Variants in ANXA2 observed in about 807,000 individuals in gnomAD.
ANXA2 encodes annexin II.
In ANXA2, 28 loss-of-function variants were observed where a neutral mutation model predicts 47.3. The observed-to-expected ratio is 0.59, with a 90% CI of 0.44 to 0.81. The LOEUF (loss-of-function observed/expected upper bound fraction) is 0.81. Ranked by LOEUF, ANXA2 falls within the 40% of genes least tolerant of loss-of-function variation. ANXA2 has a pLI of 0.00. For missense variants in ANXA2, 384 were observed against 414.3 expected, an observed-to-expected ratio of 0.93 and a Z score of 0.64; for synonymous variants, 172 against 155.5, an observed-to-expected ratio of 1.11 and a Z score of -0.79.
intron 6 of ANXA2, among the ~76,000 whole-genome samples, chr15:60,356,200 A>G (rs2062427174): frequency 6.6e-6 from 1 of 151,894 alleles, no homozygotes; most frequent in South Asian, 2.1e-4. Context: ...GTTATTATCC[A>G]TAACAGGGGG....
chr15:60,358,253 G>C (rs1471162450), intron 5 of ANXA2, among the ~76,000 whole-genome samples: 1 of 152,188 alleles, frequency 6.6e-6, no homozygotes, highest in Admixed American at 6.5e-5. Context: ...TTTGATGGGT[G>C]ATGTATTCAA....
intron 3 of ANXA2, among the ~76,000 whole-genome samples, chr15:60,370,459 G>A (rs894426596): frequency 3.3e-5 from 5 of 152,178 alleles, no homozygotes; most frequent in African/African-American, 1.2e-4. Context: ...ATCTGCAAAT[G>A]GGATTGAACC....
intron 1 of ANXA2, chr15:60,390,440 G>C (rs1318947110): frequency 9.8e-6 from 5 of 512,542 alleles, no homozygotes; most frequent in Non-Finnish European, 1.9e-5. Context: ...CCACAAAACG[G>C]CACAATACCA....
chr15:60,349,330 G>A (rs1485032758), intron 11 of ANXA2, 133 bp from the exon 12 acceptor site: 11 of 857,964 alleles, frequency 1.3e-5, no homozygotes, highest in South Asian at 5.1e-5. Context: ...TTTCAGTGCC[G>A]ACATGATGCC....
intron 4 of ANXA2, chr15:60,363,035 A>C (rs2062540647): frequency 6.4e-5 from 2 of 31,024 alleles, no homozygotes; most frequent in Non-Finnish European, 6.6e-5. Context: ...GTCACAAAAA[A>C]AAAAAAAAAA....
chr15:60,352,578 C>A lies in ANXA2; in HGVS notation c.589-102G>T. The A allele has an allele frequency of 1.2e-6, 1 of 802,650 alleles. No homozygotes were observed. The highest frequency in any genetic ancestry group is 2.1e-6 in the Non-Finnish European group (1 of 481,824). The allele number at this position is 802,650 out of a possible 1,614,324, so 49.7% of individuals were successfully genotyped here. On this transcript the variant is annotated intron_variant, in intron 8 of 12. Transcript: ENST00000451270. The surrounding 1 kb of genome is among the most constrained non-coding windows in gnomAD (Gnocchi z 4.2). ...AAAAAAAGCTACACATTCAAAATGC[C>A]AAACGAGGAAAGATGATTATACTGC... is the stretch of plus-strand genomic sequence containing the variant.
At chr15:60,350,791 T>C (rs550115010) in intron 11 of ANXA2, among the ~76,000 whole-genome samples, 2 of 152,106 alleles carry the variant, frequency 1.3e-5, no homozygotes, top group East Asian at 1.9e-4. Context: ...GCCTCAGAGG[T>C]TGTTATGCAA....
chr15:60,374,577 G>C (rs1321993089), intron 3 of ANXA2: 1 of 455,784 alleles, frequency 2.2e-6, no homozygotes, highest in East Asian at 6.9e-5. Flanking sequence ...TTTAAAAAAA[G>C]AAAGAGCTGA....
At chr15:60,363,044 A>G (rs890903254) in intron 4 of ANXA2, 2 of 150,678 alleles carry the variant, frequency 1.3e-5, no homozygotes, top group African/African-American at 4.9e-5. Flanking sequence ...AAAAAAAAAA[A>G]AAAAAAAAAA....
chr15:60,397,819 G>A (rs2063102188), intron 1 of ANXA2, 124 bp downstream of exon 1: 2 of 1,350,796 alleles, frequency 1.5e-6, no homozygotes, highest in Admixed American at 3.4e-5. Flanking sequence ...TCAGCCCCCT[G>A]CCCCCGACGG....
At position 60,352,091 on chromosome 15, in the gene ANXA2, T is replaced by G. The variant is rs113454137; in HGVS notation, c.683-272A>C. ...TGGAACCCATTCCATCCGAAAACCA[T>G]AGGAAACAGTACAGAGCATGCACCA... On this transcript the variant is annotated intron_variant, in intron 9 of 12. Coordinates refer to ENST00000451270, the MANE Select transcript of ANXA2 (RefSeq NM_004039.3). This position sits in a 1 kb window ranked among gnomAD's most constrained non-coding sequence, Gnocchi z 4.2. Among the ~76,000 whole-genome samples, 14 of 151,964 alleles carry G rather than the reference T, an allele frequency of 9.2e-5. No individual in the cohort carries two copies. Among genetic ancestry groups the G allele is most frequent in the African/African-American group, 3.4e-4 (14 of 41,326 alleles).
intron 7 of ANXA2, chr15:60,355,497 G>C (rs2140796780): frequency 3.5e-6 from 1 of 289,068 alleles, no homozygotes; most frequent in East Asian, 9.4e-5. Flanking sequence ...GCTCCACAAA[G>C]ACAACTCCAC....
intron 11 of ANXA2, 87 bp from the exon 12 acceptor site, chr15:60,349,284 A>C (rs1159605531): frequency 1.3e-6 from 2 of 1,481,772 alleles, no homozygotes; most frequent in East Asian, 2.3e-5. Flanking sequence ...CTGATCTGAA[A>C]ATCTGAAATC....
At chr15:60,348,214 C>T (rs1895814093) in intron 12 of ANXA2, among the ~76,000 whole-genome samples, 1 of 152,192 alleles carries the variant, frequency 6.6e-6, no homozygotes, top group South Asian at 2.1e-4. Flanking sequence ...CTAACTTTAT[C>T]CTTGCTAACC....
At chr15:60,347,747 A>C in intron 12 of ANXA2, 58 bp from the exon 13 acceptor site, 1 of 1,447,132 alleles carries the variant, frequency 6.9e-7, no homozygotes, top group Admixed American at 1.7e-5. Context: ...CAGACTCCTC[A>C]ATAACACAGA....
In ANXA2 at chr15:60,360,953, T is replaced by G; in HGVS notation, c.345A>C (p.Lys115Asn). The G allele has an allele frequency of 6.2e-7, 1 of 1,606,706 alleles. No individual in the cohort carries two copies. Among genetic ancestry groups the G allele is most frequent in the East Asian group, 2.2e-5 (1 of 44,846 alleles). ...CACATGCATTTACCTTCATGGAAGC[T>G]TTTAGCTCAGAAGCGTCATACTGAG... ...TPAQYDASEL[K>N]ASMKGLGTDE... Residue 115 changes from lysine (K) to asparagine (N), a missense_variant, in exon 5 of 13, where the codon AAA becomes AAC. Coordinates refer to ENST00000451270, the MANE Select transcript of ANXA2 (RefSeq NM_004039.3).
At chr15:60,376,088 A>C (rs529871607) in intron 3 of ANXA2, among the ~76,000 whole-genome samples, 1 of 152,148 alleles carries the variant, frequency 6.6e-6, no homozygotes, top group Non-Finnish European at 1.5e-5. Flanking sequence ...TAGAAGACAG[A>C]TGCCATAGGC....
chr15:60,355,012 T>C (rs542856603), intron 7 of ANXA2, among the ~76,000 whole-genome samples: 3 of 152,168 alleles, frequency 2.0e-5, no homozygotes, highest in Non-Finnish European at 4.4e-5. Context: ...CAGATGCAGC[T>C]AGCCAAGCAG....
rs1312951380 is a variant in ANXA2 at position 60,363,040 on chromosome 15, A to AC, written c.243+1388_243+1389insG. The AC allele has an allele frequency of 6.2e-3, 924 of 148,574 alleles. 13 individuals carry two copies. Among genetic ancestry groups the AC allele is most frequent in the African/African-American group, 0.023 (898 of 39,308 alleles). 9.2% of individuals were successfully genotyped at this position (148,574 alleles called of 1,614,324 possible). A position where few individuals can be genotyped will look rare whatever the true frequency, so the allele number is the denominator to read the frequency against. ...GCAAGACCCTGTCACAAAAAAAAAA[A>AC]AAAAAAAAAAAAAAAAAAGTTTCAG... is the stretch of plus-strand genomic sequence containing the variant. On this transcript the variant is annotated intron_variant, in intron 4 of 12. Coordinates refer to ENST00000451270, the MANE Select transcript of ANXA2 (RefSeq NM_004039.3).
Sources: gnomAD v4.1 joint callset for allele counts (sites outside exome capture counted in the v4.1 genomes callset) on GRCh38, gnomAD v4.1.1 for gene constraint, Gnocchi (gnomAD v3.1) non-coding constraint, MANE v1.5 for transcripts, NCBI Gene and HGNC (gene_info 2026-07-23, HGNC 2026-07-21) for gene names.